Variants in ROBO2 observed in about 807,000 individuals in gnomAD.
ROBO2 encodes roundabout homolog 2.
Under a neutral mutation model 160.8 loss-of-function variants are expected in ROBO2, and 53 were observed. The observed-to-expected ratio is 0.33, with a 90% CI of 0.26 to 0.41. ROBO2 has a LOEUF of 0.41. ROBO2 is among the 10% of genes least tolerant of loss of function. ROBO2 has a pLI of 1.00. For missense variants in ROBO2, 1,577 were observed against 1,722.4 expected (o/e 0.92, Z 1.49); for synonymous variants, 664 against 611.7 (o/e 1.09, Z -1.26).
At chr3:77,514,377 A>G (rs571657970) in intron 5 of ROBO2, among the ~76,000 whole-genome samples, 2 of 151,972 alleles carry the variant, frequency 1.3e-5, no homozygotes, top group South Asian at 2.1e-4. Context: ...AAAAATATTG[A>G]TAAAGTTAGT....
chr3:77,541,064 C>T (rs968874774), intron 6 of ROBO2, among the ~76,000 whole-genome samples: 2 of 152,044 alleles, frequency 1.3e-5, no homozygotes, highest in Non-Finnish European at 2.9e-5. Context: ...TTGAGTTTGT[C>T]AAAAAATTCG....
intron 2 of ROBO2, among the ~76,000 whole-genome samples, chr3:76,484,428 G>T (rs903149338): frequency 5.3e-5 from 8 of 152,152 alleles, no homozygotes; most frequent in African/African-American, 1.7e-4. Context: ...TCAGGGGCAG[G>T]AATGCTCATC....
At chr3:76,466,852 A>G (rs974915754) in intron 2 of ROBO2, among the ~76,000 whole-genome samples, 2 of 152,010 alleles carry the variant, frequency 1.3e-5, no homozygotes, top group African/African-American at 4.8e-5. Context: ...TTGCACTCCT[A>G]TCATGATTCA....
At chr3:76,629,146 G>A (rs1047415246) in intron 2 of ROBO2, among the ~76,000 whole-genome samples, 3 of 152,178 alleles carry the variant, frequency 2.0e-5, no homozygotes, top group Admixed American at 2.0e-4. Flanking sequence ...TAGCATATCT[G>A]GTTGTGCTCA....
intron 2 of ROBO2, among the ~76,000 whole-genome samples, chr3:76,003,909 G>A (rs1436396814): frequency 6.6e-6 from 1 of 152,158 alleles, no homozygotes; most frequent in Non-Finnish European, 1.5e-5. Context: ...TACTAGGATG[G>A]CTATAATAAA....
chr3:76,834,175 C>CTT (rs1559575742), intron 2 of ROBO2, among the ~76,000 whole-genome samples: 48 of 92,114 alleles, frequency 5.2e-4, no homozygotes, highest in East Asian at 3.8e-3. Context: ...CTTTCTTTCT[C>CTT]TCTCTCTCTC....
chr3:77,043,137 T>C (rs753708070), intron 1 of ROBO2, among the ~76,000 whole-genome samples: 4 of 152,176 alleles, frequency 2.6e-5, no homozygotes, highest in Non-Finnish European at 5.9e-5. Context: ...TTTCAGCACT[T>C]TGAGACTCAG....
At chr3:76,795,151 G>C (rs1167041) in intron 2 of ROBO2, among the ~76,000 whole-genome samples, 2,923 of 152,118 alleles carry the variant, frequency 0.019, 79 homozygotes, top group African/African-American at 0.066. Context: ...TATCATCTGA[G>C]ACGTCAGCAA....
chr3:76,168,024 T>C (rs1009154318), intron 2 of ROBO2, among the ~76,000 whole-genome samples: 4 of 152,174 alleles, frequency 2.6e-5, no homozygotes, highest in African/African-American at 7.2e-5. Context: ...AAGTAGATGA[T>C]CCAGTCAACC....
chr3:77,107,346 T>C (rs1040611706), intron 2 of ROBO2, among the ~76,000 whole-genome samples: 10 of 152,116 alleles, frequency 6.6e-5, no homozygotes, highest in African/African-American at 2.2e-4. Context: ...GGTGTTTGGA[T>C]GCAATGACAG....
chr3:77,081,546 AGG>A (rs1191259177), intron 1 of ROBO2, among the ~76,000 whole-genome samples: 1 of 152,238 alleles, frequency 6.6e-6, no homozygotes, highest in Non-Finnish European at 1.5e-5. Context: ...ATATCATTAA[AGG>A]TTGTGCCAAG....
intron 2 of ROBO2, among the ~76,000 whole-genome samples, chr3:77,439,529 A>G (rs943852708): frequency 2.6e-5 from 4 of 152,102 alleles, no homozygotes; most frequent in Non-Finnish European, 4.4e-5. Context: ...ATTCTCTGGC[A>G]TTTGCTGAAA....
intron 18 of ROBO2, 84 bp from the exon 20 acceptor site, chr3:77,596,539 C>G: frequency 3.9e-6 from 6 of 1,543,870 alleles, no homozygotes; most frequent in Non-Finnish European, 5.4e-6. Flanking sequence ...TCTTCCATTT[C>G]TTAACGCTTT....
chr3:77,209,005 A>G (rs1401973004), intron 2 of ROBO2, among the ~76,000 whole-genome samples: 1 of 152,166 alleles, frequency 6.6e-6, no homozygotes, highest in Non-Finnish European at 1.5e-5. Context: ...ATTCTGCTTC[A>G]TTTCTGACAA....
At chr3:77,531,538 CA>C (rs35520051) in intron 6 of ROBO2, among the ~76,000 whole-genome samples, 110,314 of 147,766 alleles carry the variant, frequency 0.75, 40,957 homozygotes, top group Admixed American at 0.81. Context: ...CCAAGAAGTC[CA>C]AAAAAAAAAA....
chr3:75,958,566 C>T (rs1179504864), intron 2 of ROBO2, among the ~76,000 whole-genome samples: 2 of 151,582 alleles, frequency 1.3e-5, no homozygotes, highest in Non-Finnish European at 3.0e-5. Flanking sequence ...CTGAGGATTT[C>T]AAGCAAAAGA....
chr3:77,354,296 G>A (rs528219199), intron 2 of ROBO2, among the ~76,000 whole-genome samples: 2 of 152,142 alleles, frequency 1.3e-5, no homozygotes, highest in African/African-American at 4.8e-5. Context: ...GATCAACCTA[G>A]AGCACATCTC....
chr3:77,541,407 A>C (rs1040817840), intron 6 of ROBO2, among the ~76,000 whole-genome samples: 1 of 152,230 alleles, frequency 6.6e-6, no homozygotes, highest in Admixed American at 6.5e-5. Flanking sequence ...ACAGAGCTGC[A>C]GCGTGACTTT....
intron 2 of ROBO2, among the ~76,000 whole-genome samples, chr3:76,524,373 A>C (rs2081812533): frequency 6.6e-6 from 1 of 151,976 alleles, no homozygotes; most frequent in South Asian, 2.1e-4. Context: ...TAAAATGACA[A>C]ATAACCTCCC....
Sources: gnomAD v4.1 joint callset for allele counts (sites outside exome capture counted in the v4.1 genomes callset) on GRCh38, gnomAD v4.1.1 for gene constraint, MANE v1.5 for transcripts, NCBI Gene and HGNC (gene_info 2026-07-23, HGNC 2026-07-21) for gene names.